LRRK2: variants seen among roughly 807,000 people sequenced by gnomAD.
The protein encoded by LRRK2 is leucine-rich repeat serine/threonine-protein kinase 2.
Under a neutral mutation model 302.6 loss-of-function variants are expected in LRRK2, and 203 were observed. The ratio of observed to expected loss-of-function variants is 0.67; its 90% CI spans 0.60 to 0.75. The LOEUF is 0.75. Among genes scored for constraint, LRRK2 ranks in the 30% least tolerant of loss-of-function variants. The probability of loss-of-function intolerance (pLI) is 0.00; values close to 1 mark genes in which losing one functional copy is unlikely to be tolerated. For synonymous variants in LRRK2, 1,066 were observed against 1,031.9 expected, an observed-to-expected ratio of 1.03 and a Z score of -0.63; for missense variants, 2,830 against 2,951.0, an observed-to-expected ratio of 0.96 and a Z score of 0.95.
chr12:40,271,229 G>A (rs1943221025), intron 14 of LRRK2, among the ~76,000 whole-genome samples: 1 of 152,070 alleles, frequency 6.6e-6, no homozygotes, highest in South Asian at 2.1e-4. Context: ...TCATAGACAA[G>A]GGACATCATT....
At position 40,233,367 on chromosome 12, in the gene LRRK2, T is replaced by A. The variant is rs1192074861; in HGVS notation, c.347+984T>A. On this transcript the variant is annotated intron_variant, in intron 3 of 50. Coordinates refer to ENST00000298910, the MANE Select transcript of LRRK2 (RefSeq NM_198578.4). ...ATGAAAATTTAATTTATGAAAAATTTTCAGGTGTTTGTATTGCTGATCAGT... is the reference window on the plus strand; with the variant it reads ...ATGAAAATTTAATTTATGAAAAATTATCAGGTGTTTGTATTGCTGATCAGT... 4.6e-5 allele frequency among the ~76,000 whole-genome samples: 7 copies of A among 152,220 alleles called. No homozygotes were observed. The East Asian group carries it at 1.3e-3, about 29-fold the overall frequency.
At chr12:40,294,647 T>G (rs1189210830) in intron 21 of LRRK2, among the ~76,000 whole-genome samples, 198 bp from the exon 22 acceptor site, 1 of 152,080 alleles carries the variant, frequency 6.6e-6, no homozygotes, top group Non-Finnish European at 1.5e-5. Flanking sequence ...AAAGAGTAGA[T>G]GCTTTCTAAG....
rs1372055369 is a variant in LRRK2, at chr12:40,272,879, T to C, written c.1657-1704T>C. ...TGTGGAGGTAGTGGGAGTTGACTTT[T>C]CTGCTAATAAGTTTAGAAATAAAGG... On this transcript the variant is annotated intron_variant, in intron 14 of 50. Transcript: ENST00000298910. Among the ~76,000 whole-genome samples, 3 of 152,128 alleles carry C rather than the reference T, an allele frequency of 2.0e-5. No individual in the cohort carries two copies. The East Asian group carries it at 5.8e-4, about 29-fold the overall frequency.
chr12:40,270,946 G>A (rs927920155), intron 14 of LRRK2, among the ~76,000 whole-genome samples: 8 of 151,870 alleles, frequency 5.3e-5, no homozygotes, highest in African/African-American at 1.9e-4. Flanking sequence ...TATTACTATT[G>A]TTTTTAATAC....
chr12:40,334,943 T>G, intron 39 of LRRK2, 24 bp from the exon 40 acceptor site: 1 of 1,612,920 alleles, frequency 6.2e-7, no homozygotes, highest in Non-Finnish European at 8.5e-7. Context: ...TGAATTACTC[T>G]TACATGATTT....
In LRRK2 at chr12:40,299,175, G is replaced by A. The variant is rs755005630; in HGVS notation, c.3414G>A (p.Lys1138=). ...LKELKILNLS[K]NHISSLSENF... is the part of the protein sequence containing the mutation. ...AACTGAAGATTTTAAACCTTAGTAA[G>A]AACCACATTTCATCCCTATCAGAGA... Residue 1138 remains lysine, a synonymous_variant, in exon 25 of 51, where the codon AAG becomes AAA. Coordinates refer to ENST00000298910, the MANE Select transcript of LRRK2 (RefSeq NM_198578.4). 6.2e-7 allele frequency: 1 copy of A among 1,613,474 alleles called. No individual in the cohort carries two copies. Among genetic ancestry groups the A allele is most frequent in the South Asian group, 1.1e-5 (1 of 91,068 alleles).
intron 30 of LRRK2, 107 bp from the exon 31 acceptor site, chr12:40,310,324 T>C (rs1198699213): frequency 3.8e-6 from 4 of 1,059,384 alleles, no homozygotes; most frequent in Middle Eastern, 2.9e-4. Flanking sequence ...GTCTGCTAGT[T>C]TCTCTTTTCC....
intron 33 of LRRK2, among the ~76,000 whole-genome samples, 199 bp downstream of exon 33, chr12:40,315,499 C>G (rs995720687): frequency 2.0e-5 from 3 of 152,012 alleles, no homozygotes; most frequent in Non-Finnish European, 4.4e-5. Flanking sequence ...AGTTCACTTC[C>G]ATGACTTGGT....
At chr12:40,303,608 A>G (rs1944703724) in intron 26 of LRRK2, among the ~76,000 whole-genome samples, 1 of 152,104 alleles carries the variant, frequency 6.6e-6, no homozygotes, top group Non-Finnish European at 1.5e-5. Context: ...AGAGTGTTAC[A>G]CAAACCTATA....
At chr12:40,280,883 G>T (rs147452939) in intron 18 of LRRK2, among the ~76,000 whole-genome samples, 2 of 151,304 alleles carry the variant, frequency 1.3e-5, no homozygotes, top group Non-Finnish European at 2.9e-5. Context: ...TGGCTAACCC[G>T]GTGAAACCTT....
At chr12:40,234,369 CTTTTTT>C (rs35906443) in intron 3 of LRRK2, among the ~76,000 whole-genome samples, 3 of 43,042 alleles carry the variant, frequency 7.0e-5, no homozygotes, top group African/African-American at 9.5e-5. Context: ...GCTAAATTCA[CTTTTTT>C]TTTTTTTTTT....
chr12:40,225,225 A>G lies in LRRK2; in HGVS notation c.94A>G (p.Ile32Val), dbSNP rs757937882. The G allele has an allele frequency of 2.5e-6, 4 of 1,614,190 alleles. No homozygotes were observed. Among genetic ancestry groups the G allele is most frequent in the Non-Finnish European group, 3.4e-6 (4 of 1,180,028 alleles). Residue 32 changes from isoleucine to valine, a missense_variant, in exon 1 of 51, where the codon ATA (isoleucine) becomes GTA (valine). By Grantham distance (29) the Ile-to-Val change is conservative (BLOSUM62 3). This residue lies in a region of LRRK2 where 2,121 missense variants were observed against 2,148.0 expected (regional missense o/e 0.99). Coordinates refer to ENST00000298910, the MANE Select transcript of LRRK2 (RefSeq NM_198578.4). ...RLNNVQEGKQ[I>V]ETLVQILEDL... is the part of the protein sequence containing the mutation. ...GAACAATGTCCAGGAAGGAAAACAG[A>G]TAGAAACGCTGGTCCAAATCCTGGA...
In LRRK2 at chr12:40,293,610, G is replaced by C. The variant is rs1201032698; in HGVS notation, c.2755G>C (p.Asp919His). 1.2e-6 allele frequency: 2 copies of C among 1,611,694 alleles called. No homozygotes were observed. Among genetic ancestry groups the C allele is most frequent in the Non-Finnish European group, 1.7e-6 (2 of 1,178,616 alleles). ...NSISVGEFYR[D>H]AVLQRCSPNL... Reference sequence around the variant, plus strand: ...AATTAGTGTAGGAGAATTTTACCGAGATGCCGTATTACAGCGTTGCTCACC... The same window carrying C: ...AATTAGTGTAGGAGAATTTTACCGACATGCCGTATTACAGCGTTGCTCACC... Residue 919 changes from aspartate to histidine, a missense_variant, in exon 21 of 51, where the codon GAT (aspartate) becomes CAT (histidine). By Grantham distance (81) the Asp-to-His change is moderately conservative. This residue lies in a region of LRRK2 where 2,121 missense variants were observed against 2,148.0 expected (regional missense o/e 0.99). Transcript: ENST00000298910.
chr12:40,233,896 TGTCCTCTGG>T (rs1941315357), intron 3 of LRRK2, among the ~76,000 whole-genome samples: 1 of 152,246 alleles, frequency 6.6e-6, no homozygotes, highest in Non-Finnish European at 1.5e-5. Context: ...TTTTGAAGCC[TGTCCTCTGG>T]GTCAGAAACC....
intron 33 of LRRK2, among the ~76,000 whole-genome samples, chr12:40,317,005 T>C (rs1048192167): frequency 6.6e-6 from 1 of 151,964 alleles, no homozygotes; most frequent in Non-Finnish European, 1.5e-5. Context: ...ATGTGAACAT[T>C]AGGATGGGTA....
In LRRK2 at chr12:40,298,703, C is replaced by T. The variant is rs142198180; in HGVS notation, c.3347+210C>T. On this transcript the variant is annotated intron_variant, in intron 24 of 50. Coordinates refer to ENST00000298910, the MANE Select transcript of LRRK2 (RefSeq NM_198578.4). ...ATGAGAATCGCTTGAACCCAGGAGG[C>T]GGAGGTCGCAGTGAGCCGAGATCGT... 3.0e-3 allele frequency among the ~76,000 whole-genome samples: 439 copies of T among 145,280 alleles called. 4 individuals carry two copies. Among genetic ancestry groups the T allele is most frequent in the Admixed American group, 6.0e-3 (85 of 14,220 alleles).
Position 40,293,577 on chromosome 12 carries a change from TC to T in LRRK2, c.2723del (p.Ser908LeufsTer6). 1 of 1,610,636 alleles carries T rather than the reference TC, an allele frequency of 6.2e-7. No homozygotes were observed. The highest frequency in any genetic ancestry group is 2.2e-5 in the East Asian group (1 of 44,734). On this transcript the variant is annotated frameshift_variant, in exon 21 of 51. Coordinates refer to ENST00000298910, the MANE Select transcript of LRRK2 (RefSeq NM_198578.4). LOFTEE classifies it high-confidence loss of function. ...SEGSFLVKKK[S>X]NSISVGEFYR... is the part of the protein sequence containing the mutation. ...AGGCTCATTTCTTGTGAAAAAGAAATCTAATTCAATTAGTGTAGGAGAATTT... is the reference window on the plus strand; with the variant it reads ...AGGCTCATTTCTTGTGAAAAAGAAATTAATTCAATTAGTGTAGGAGAATTT...
intron 21 of LRRK2, among the ~76,000 whole-genome samples, chr12:40,294,587 T>C (rs1281626571): frequency 6.6e-6 from 1 of 152,110 alleles, no homozygotes; most frequent in Admixed American, 6.6e-5. Flanking sequence ...ATATAGCTTT[T>C]TCACTCAACC....
intron 39 of LRRK2, 97 bp downstream of exon 39, chr12:40,328,557 C>G: frequency 1.1e-6 from 1 of 882,368 alleles, no homozygotes; most frequent in Non-Finnish European, 1.8e-6. Context: ...AAATAATGAC[C>G]ACATTTCTAC....
Sources: allele counts gnomAD v4.1 joint callset (sites outside exome capture counted in the v4.1 genomes callset), GRCh38; gene constraint gnomAD v4.1.1; regional missense constraint gnomAD v4.1.1; transcripts MANE v1.5; gene names NCBI Gene and HGNC (gene_info 2026-07-23, HGNC 2026-07-21).